DHX35: variants seen among roughly 807,000 people sequenced by gnomAD.
DHX35 encodes the protein DEAH-box helicase 35.
DHX35 carries 84 observed loss-of-function variants against 99.6 expected under a neutral mutation model. The ratio of observed to expected loss-of-function variants is 0.84; its 90% CI spans 0.71 to 1.01. The LOEUF is 1.01. Ranked by LOEUF, DHX35 falls within the 50% of genes least tolerant of loss-of-function variation. The probability of loss-of-function intolerance (pLI) is 0.00; values close to 1 mark genes in which losing one functional copy is unlikely to be tolerated. For synonymous variants in DHX35, 331 were observed against 316.2 expected (o/e 1.05, Z -0.50); for missense variants, 852 against 888.5 (o/e 0.96, Z 0.52).
intron 2 of DHX35, among the ~76,000 whole-genome samples, chr20:38,971,994 G>GTTTTTTTTTTTTT (rs1568714388): frequency 1.8e-5 from 2 of 112,042 alleles, no homozygotes; most frequent in Admixed American, 9.4e-5. Context: ...TGTTTTTTTT[G>GTTTTTTTTTTTTT]TTTTGTTTTG....
chr20:38,985,473 A>G (rs2086236541), intron 4 of DHX35, among the ~76,000 whole-genome samples: 1 of 149,560 alleles, frequency 6.7e-6, no homozygotes. Flanking sequence ...TCCCCAAGTT[A>G]TTTTTGTTCT....
At chr20:39,007,987 A>G (rs1243835584) in intron 12 of DHX35, among the ~76,000 whole-genome samples, 1 of 152,232 alleles carries the variant, frequency 6.6e-6, no homozygotes, top group African/African-American at 2.4e-5. Flanking sequence ...GCCTCCATCT[A>G]GTTTCAGAAC....
rs576704449 is a variant in DHX35 at position 38,969,066 on chromosome 20, A to C, written c.41-15A>C. On this transcript the variant is annotated splice_polypyrimidine_tract_variant and intron_variant, in intron 1 of 21. Transcript: ENST00000252011. ...TTGTATCAGAGAATCTGAAAAAAAA[A>C]CATTTCTGCTGCAGGTACAGAGGGG... 36 of 1,575,430 alleles carry C rather than the reference A, an allele frequency of 2.3e-5. No individual in the cohort carries two copies. The Admixed American group carries it at 2.9e-4, about 13-fold the overall frequency.
chr20:38,964,024 G>C (rs1229166795), intron 1 of DHX35, among the ~76,000 whole-genome samples: 4 of 152,284 alleles, frequency 2.6e-5, no homozygotes, highest in African/African-American at 9.6e-5. Context: ...ACCCAAAGTA[G>C]TGTTGTGAGG....
At chr20:39,021,704 A>G (rs1037745501) in intron 15 of DHX35, 137 bp from the exon 16 acceptor site, 2 of 846,140 alleles carry the variant, frequency 2.4e-6, no homozygotes, top group Non-Finnish European at 3.9e-6. Context: ...CTTATATACT[A>G]TACACTTTAA....
intron 13 of DHX35, among the ~76,000 whole-genome samples, chr20:39,014,621 G>A (rs537096885): frequency 4.1e-4 from 62 of 152,236 alleles, no homozygotes; most frequent in African/African-American, 1.3e-3. Flanking sequence ...GACCTATCAC[G>A]TCTGATGGAG....
intron 5 of DHX35, among the ~76,000 whole-genome samples, chr20:38,989,540 A>C (rs144000591): frequency 0.015 from 2,232 of 152,186 alleles, 21 homozygotes; most frequent in Middle Eastern, 0.037. Flanking sequence ...GCCTGATATT[A>C]TATGCCAATC....
intron 13 of DHX35, among the ~76,000 whole-genome samples, chr20:39,012,921 T>C (rs944890573): frequency 6.6e-6 from 1 of 152,234 alleles, no homozygotes; most frequent in Admixed American, 6.5e-5. Context: ...TCCCATGTTA[T>C]ACCGTTTCTG....
chr20:38,991,070 A>G (rs761233413), intron 5 of DHX35, among the ~76,000 whole-genome samples: 1 of 152,214 alleles, frequency 6.6e-6, no homozygotes, highest in Non-Finnish European at 1.5e-5. Flanking sequence ...ACTGCAATCT[A>G]TAGTCTTTGG....
At chr20:39,038,305 C>G (rs1600468127) in intron 21 of DHX35, among the ~76,000 whole-genome samples, 194 bp from the exon 22 acceptor site, 1 of 152,244 alleles carries the variant, frequency 6.6e-6, no homozygotes, top group African/African-American at 2.4e-5. Flanking sequence ...TTGCTGGCGG[C>G]TGAATTCAGG....
At chr20:38,998,190 G>T (rs557809316) in intron 8 of DHX35, among the ~76,000 whole-genome samples, 4 of 152,350 alleles carry the variant, frequency 2.6e-5, no homozygotes, top group African/African-American at 9.6e-5. Flanking sequence ...CCTGTATCAC[G>T]TGATGATATT....
chr20:39,039,328 A>G lies in DHX35; in HGVS notation c.*785A>G, dbSNP rs948715673. On this transcript the variant is annotated 3_prime_UTR_variant, in exon 22 of 22. Transcript: ENST00000252011. ...AGGGCCTCCTCTTTAGCAGGAATTC[A>G]CAACAGTTTGGATGCCCTAAACTTC... The G allele has an allele frequency of 7.2e-5, 11 of 152,664 alleles. No homozygotes were observed. The highest frequency in any genetic ancestry group is 2.4e-4 in the African/African-American group (10 of 41,454). 9.5% of individuals were successfully genotyped at this position (152,664 alleles called of 1,614,324 possible).
At chr20:39,033,546 A>G (rs757043802) in intron 20 of DHX35, among the ~76,000 whole-genome samples, 14 of 152,232 alleles carry the variant, frequency 9.2e-5, no homozygotes, top group South Asian at 2.1e-4. Flanking sequence ...GGGGAACCAC[A>G]GTATGGCTGG....
At chr20:39,007,949 A>T (rs909571455) in intron 12 of DHX35, among the ~76,000 whole-genome samples, 4 of 152,252 alleles carry the variant, frequency 2.6e-5, no homozygotes, top group African/African-American at 9.6e-5. Flanking sequence ...TGAACAATTT[A>T]TTATATTCAC....
chr20:38,993,861 A>G (rs2086380775), intron 7 of DHX35, among the ~76,000 whole-genome samples: 1 of 151,976 alleles, frequency 6.6e-6, no homozygotes, highest in Non-Finnish European at 1.5e-5. Context: ...ATAGCAAAAA[A>G]CTTTTAGGTT....
chr20:39,013,241 A>C (rs950617698), intron 13 of DHX35, among the ~76,000 whole-genome samples: 1 of 152,218 alleles, frequency 6.6e-6, no homozygotes, highest in Non-Finnish European at 1.5e-5. Context: ...TATATTTAGC[A>C]ATGTTATTTA....
intron 3 of DHX35, among the ~76,000 whole-genome samples, chr20:38,975,987 T>G (rs965093777): frequency 1.4e-4 from 22 of 152,196 alleles, no homozygotes; most frequent in African/African-American, 5.1e-4. Flanking sequence ...TCACAGTGAT[T>G]TGGCCATTTA....
chr20:39,030,617 T>C, intron 19 of DHX35, 87 bp from the exon 20 acceptor site: 1 of 1,288,256 alleles, frequency 7.8e-7, no homozygotes, highest in Non-Finnish European at 1.1e-6. Flanking sequence ...TCTGCATGCT[T>C]TTTTGGTAAT....
At chr20:38,975,336 G>A (rs893483322) in intron 3 of DHX35, among the ~76,000 whole-genome samples, 1 of 152,174 alleles carries the variant, frequency 6.6e-6, no homozygotes, top group African/African-American at 2.4e-5. Context: ...ATTTCTTACA[G>A]GAAGAAACAG....
Sources: gnomAD v4.1 joint callset for allele counts (sites outside exome capture counted in the v4.1 genomes callset) on GRCh38, gnomAD v4.1.1 for gene constraint, MANE v1.5 for transcripts, NCBI Gene and HGNC (gene_info 2026-07-23, HGNC 2026-07-21) for gene names.